Variants in KATNIP observed in about 807,000 individuals in gnomAD.
KATNIP encodes katanin interacting protein, also known as katanin-interacting protein.
KATNIP carries 126 observed loss-of-function variants against 174.0 expected under a neutral mutation model. The observed-to-expected ratio is 0.72, with a 90% CI of 0.63 to 0.84. The LOEUF (loss-of-function observed/expected upper bound fraction) is 0.84, where lower values mean the gene tolerates loss of function less well. KATNIP is among the 40% of genes least tolerant of loss of function. The probability of loss-of-function intolerance (pLI) is 0.00; values close to 1 mark genes in which losing one functional copy is unlikely to be tolerated. For synonymous variants in KATNIP, 810 were observed against 835.7 expected, an observed-to-expected ratio of 0.97 and a Z score of 0.53; for missense variants, 1,958 against 2,109.7, an observed-to-expected ratio of 0.93 and a Z score of 1.41.
intron 1 of KATNIP, among the ~76,000 whole-genome samples, chr16:27,567,135 T>G (rs975485106): frequency 1.3e-5 from 2 of 152,218 alleles, no homozygotes; most frequent in Non-Finnish European, 2.9e-5. Context: ...CCAGCAAGAT[T>G]TGGGGTCCTG....
rs2082443105 is a variant in KATNIP at position 27,774,989 on chromosome 16, G to T, written c.4354G>T (p.Gly1452Cys). The change falls in exon 24 of 28, where the codon GGC becomes TGC. Residue 1452 changes from glycine (G) to cysteine (C), a missense_variant. Physicochemically the swap from Gly to Cys is radical, Grantham distance 159 (BLOSUM62 -3). Around this residue, in one of 3 missense-constraint regions of KATNIP, gnomAD observed 383 missense variants for 456.0 expected, o/e 0.84. Coordinates refer to ENST00000261588, the MANE Select transcript of KATNIP (RefSeq NM_015202.5). ...CAGCGTGAACTCCCTGGAGGGTGTG[G>T]GCGGGGACGTCCGCACCCCAGACAA... Reference protein sequence around the residue: ...PDSVNSLEGVGGDVRTPDKLI... With the variant: ...PDSVNSLEGVCGDVRTPDKLI... The T allele has an allele frequency of 1.2e-6, 2 of 1,613,844 alleles. No individual in the cohort carries two copies. The highest frequency in any genetic ancestry group is 1.7e-6 in the Non-Finnish European group (2 of 1,179,902).
Position 27,698,526 on chromosome 16 carries a change from C to T in KATNIP, c.1113+26C>T, listed in dbSNP as rs186085838. 607 of 1,585,504 alleles carry T rather than the reference C, an allele frequency of 3.8e-4. 7 individuals carry two copies. The East Asian group carries it at 0.012, about 32-fold the overall frequency. On this transcript the variant is annotated intron_variant, in intron 9 of 27. Coordinates refer to ENST00000261588, the MANE Select transcript of KATNIP (RefSeq NM_015202.5). Reference sequence around the variant, plus strand: ...GTGCGCTCCGGGCTGGGAGAGGAACCGGGGGATGCTCCCTGGACTGGGCAG... The same window carrying T: ...GTGCGCTCCGGGCTGGGAGAGGAACTGGGGGATGCTCCCTGGACTGGGCAG...
At chr16:27,738,430 T>C (rs2080977739) in intron 14 of KATNIP, among the ~76,000 whole-genome samples, 1 of 152,172 alleles carries the variant, frequency 6.6e-6, no homozygotes, top group East Asian at 1.9e-4. Context: ...TTGTATGGGG[T>C]GTGTATTCTA....
Position 27,750,063 on chromosome 16 carries a change from A to G in KATNIP, c.3103A>G (p.Ile1035Val), listed in dbSNP as rs2081442883. 1.2e-6 allele frequency: 2 copies of G among 1,614,016 alleles called. No homozygotes were observed. Among genetic ancestry groups the G allele is most frequent in the East Asian group, 2.2e-5 (1 of 44,882 alleles). Residue 1035 changes from isoleucine (I) to valine (V), a missense_variant, in exon 16 of 28, where the codon ATC becomes GTC. Transcript: ENST00000261588. ...AGACCCCCGCGTGGTCACCAACCTC[A>G]TCGACGGGGTGAACAGGACCCAGGA... ...GKDPRVVTNL[I>V]DGVNRTQDDM...
At chr16:27,674,338 G>A (rs2078030638) in intron 6 of KATNIP, among the ~76,000 whole-genome samples, 1 of 152,236 alleles carries the variant, frequency 6.6e-6, no homozygotes, top group Non-Finnish European at 1.5e-5. Flanking sequence ...CCTGCACGTT[G>A]TGCACATGTA....
intron 6 of KATNIP, among the ~76,000 whole-genome samples, chr16:27,656,934 TA>T (rs577750573): frequency 0.033 from 4,082 of 124,502 alleles, 123 homozygotes; most frequent in African/African-American, 0.085. Context: ...ACTTAAAGTA[TA>T]AAAAAAAAAA....
intron 8 of KATNIP, 25 bp downstream of exon 8, chr16:27,681,555 C>T (rs2078342006): frequency 1.2e-6 from 2 of 1,613,642 alleles, no homozygotes; most frequent in African/African-American, 2.7e-5. Context: ...GGCCCCTGAG[C>T]AGGGGAGCAG....
intron 2 of KATNIP, among the ~76,000 whole-genome samples, chr16:27,582,475 G>A (rs1171266950): frequency 6.6e-6 from 1 of 152,190 alleles, no homozygotes; most frequent in African/African-American, 2.4e-5. Flanking sequence ...ATTGTTGTCA[G>A]TCTTTCTGCT....
chr16:27,605,636 C>G (rs2075677924), intron 2 of KATNIP, among the ~76,000 whole-genome samples: 2 of 152,162 alleles, frequency 1.3e-5, no homozygotes, highest in Non-Finnish European at 2.9e-5. Flanking sequence ...TTTGTTAGGA[C>G]ACCTATCCTA....
intron 14 of KATNIP, among the ~76,000 whole-genome samples, chr16:27,732,471 TG>T (rs1285194379): frequency 6.6e-6 from 1 of 152,210 alleles, no homozygotes; most frequent in African/African-American, 2.4e-5. Flanking sequence ...CCCTTTCCCC[TG>T]TCCTTGAAGG....
intron 8 of KATNIP, among the ~76,000 whole-genome samples, chr16:27,688,986 C>T (rs888061817): frequency 3.3e-5 from 5 of 152,174 alleles, no homozygotes; most frequent in Non-Finnish European, 4.4e-5. Context: ...CAGCCAGGGC[C>T]AGGAGTGGGG....
chr16:27,610,959 C>T (rs1432734925), intron 2 of KATNIP, among the ~76,000 whole-genome samples: 1 of 152,140 alleles, frequency 6.6e-6, no homozygotes, highest in Non-Finnish European at 1.5e-5. Context: ...ACCTTTGCTT[C>T]GAGTTGTCCC....
chr16:27,744,819 G>A (rs1008492635), intron 15 of KATNIP, among the ~76,000 whole-genome samples: 2 of 150,442 alleles, frequency 1.3e-5, no homozygotes, highest in Non-Finnish European at 3.0e-5. Context: ...GGAGGCTGAG[G>A]CATGAGAATC....
In KATNIP at chr16:27,631,058, G is replaced by A; in HGVS notation, c.311-7G>A. The A allele has an allele frequency of 6.4e-7, 1 of 1,560,370 alleles. No homozygotes were observed. The highest frequency in any genetic ancestry group is 8.7e-7 in the Non-Finnish European group (1 of 1,150,650). ...CACCAAGTCTCCTTCCCTCGTCTCTGGTGCAGATTATGGACGAAGAACTCT... is the reference window on the plus strand; with the variant it reads ...CACCAAGTCTCCTTCCCTCGTCTCTAGTGCAGATTATGGACGAAGAACTCT... On this transcript the variant is annotated splice_polypyrimidine_tract_variant and splice_region_variant and intron_variant, in intron 4 of 27. Transcript: ENST00000261588.
intron 2 of KATNIP, among the ~76,000 whole-genome samples, chr16:27,577,623 C>T (rs540667703): frequency 6.6e-4 from 100 of 152,170 alleles, no homozygotes; most frequent in African/African-American, 1.9e-3. Flanking sequence ...ACTCAGAAAG[C>T]GGAGGTTGCA....
In KATNIP at chr16:27,661,937, T is replaced by C. The variant is rs193222176; in HGVS notation, c.540+13202T>C. The stretch of plus-strand genomic sequence containing the variant: ...ATATATATATATATATATATATATA[T>C]ATATATATATATATATATACACATA... On this transcript the variant is annotated intron_variant, in intron 6 of 27. Transcript: ENST00000261588. Among the ~76,000 whole-genome samples the C allele has an allele frequency of 1.2e-3, 78 of 63,864 alleles. 1 individual carries two copies. The highest frequency in any genetic ancestry group is 7.4e-3 in the Middle Eastern group (1 of 136). 41.9% of individuals were successfully genotyped at this position (63,864 alleles called of 152,430 possible). A position where few individuals can be genotyped will look rare whatever the true frequency, so the allele number is the denominator to read the frequency against.
intron 3 of KATNIP, among the ~76,000 whole-genome samples, chr16:27,622,959 C>T (rs2076238388): frequency 6.6e-6 from 1 of 152,116 alleles, no homozygotes; most frequent in Non-Finnish European, 1.5e-5. Flanking sequence ...CCGTCCTCCA[C>T]ACTCACCTCC....
chr16:27,701,616 A>G lies in KATNIP; in HGVS notation c.1207A>G (p.Thr403Ala). Residue 403 changes from threonine (T) to alanine (A), a missense_variant, in exon 11 of 28, where the codon ACT (threonine) becomes GCT (alanine). Thr to Ala is a moderately conservative substitution (Grantham distance 58, BLOSUM62 0). Transcript: ENST00000261588. Reference sequence around the variant, plus strand: ...GCTTCCCATCACCACGGCGACTACTACTCAGGAGCCGGCCGGGGCAGCAGG... The same window carrying G: ...GCTTCCCATCACCACGGCGACTACTGCTCAGGAGCCGGCCGGGGCAGCAGG... The part of the protein sequence containing the change: ...ELLPITTATT[T>A]QEPAGAAGGA... 1 of 1,603,536 alleles carries G rather than the reference A, an allele frequency of 6.2e-7. No individual in the cohort carries two copies. Among genetic ancestry groups the G allele is most frequent in the Non-Finnish European group, 8.5e-7 (1 of 1,175,592 alleles).
chr16:27,775,817 G>A (rs952377789), intron 24 of KATNIP, among the ~76,000 whole-genome samples: 22 of 152,250 alleles, frequency 1.4e-4, no homozygotes, highest in African/African-American at 5.1e-4. Context: ...GTGGGGGATC[G>A]GGGGCACCTT....
Sources: allele counts gnomAD v4.1 joint callset (sites outside exome capture counted in the v4.1 genomes callset), GRCh38; gene constraint gnomAD v4.1.1; regional missense constraint gnomAD v4.1.1; transcripts MANE v1.5; gene names NCBI Gene and HGNC (gene_info 2026-07-23, HGNC 2026-07-21).